Variants in CALCR observed in about 807,000 individuals in gnomAD.
CALCR encodes the protein calcitonin receptor.
CALCR carries 47 observed loss-of-function variants against 59.5 expected under a neutral mutation model. That is an observed-to-expected ratio of 0.79 (90% CI 0.63 to 1.01). The LOEUF (loss-of-function observed/expected upper bound fraction) is 1.01, where lower values mean the gene tolerates loss of function less well. CALCR is among the 50% of genes least tolerant of loss of function. The pLI is 0.00. For synonymous variants in CALCR, 213 were observed against 211.3 expected, an observed-to-expected ratio of 1.01 and a Z score of -0.07; for missense variants, 566 against 597.1, an observed-to-expected ratio of 0.95 and a Z score of 0.54.
intron 8 of CALCR, among the ~76,000 whole-genome samples, chr7:93,458,003 G>A (rs370268626): frequency 2.6e-5 from 4 of 151,940 alleles, no homozygotes; most frequent in African/African-American, 9.7e-5. Context: ...TTAAAAATGG[G>A]GATAATTCCA....
intron 13 of CALCR, among the ~76,000 whole-genome samples, chr7:93,428,786 CAAAAAAA>C (rs562182322): frequency 1.2e-5 from 1 of 83,954 alleles, no homozygotes; most frequent in South Asian, 3.3e-4. Flanking sequence ...GACTCCGTCT[CAAAAAAA>C]AAAAAAAAAA....
intron 4 of CALCR, among the ~76,000 whole-genome samples, chr7:93,478,212 G>C (rs1231203915): frequency 8.1e-6 from 1 of 124,032 alleles, no homozygotes; most frequent in Non-Finnish European, 1.9e-5. Context: ...TTCAGTTCTT[G>C]ATAAACACTG....
At chr7:93,464,642 T>C (rs1198733092) in intron 7 of CALCR, among the ~76,000 whole-genome samples, 1 of 151,956 alleles carries the variant, frequency 6.6e-6, no homozygotes, top group African/African-American at 2.4e-5. Flanking sequence ...ATTAATAAAT[T>C]CTCTTTCAAT....
chr7:93,474,319 A>G (rs1434404293), intron 5 of CALCR, among the ~76,000 whole-genome samples: 1 of 151,644 alleles, frequency 6.6e-6, no homozygotes, highest in Non-Finnish European at 1.5e-5. Context: ...AACAACTAAA[A>G]TGGCACTGAA....
intron 2 of CALCR, among the ~76,000 whole-genome samples, chr7:93,520,169 A>G (rs1311837151): frequency 1.3e-5 from 2 of 152,050 alleles, no homozygotes; most frequent in Admixed American, 6.6e-5. Context: ...TATGAAAAAA[A>G]GATGGAAAAT....
At chr7:93,558,443 T>C (rs770825878) in intron 2 of CALCR, among the ~76,000 whole-genome samples, 26 of 152,098 alleles carry the variant, frequency 1.7e-4, no homozygotes, top group Non-Finnish European at 2.9e-4. Context: ...TCCTGGAACT[T>C]TCACCTTTAG....
chr7:93,459,748 G>C (rs771079960), intron 8 of CALCR, among the ~76,000 whole-genome samples: 1 of 152,150 alleles, frequency 6.6e-6, no homozygotes, highest in Non-Finnish European at 1.5e-5. Flanking sequence ...TGAGTATAAA[G>C]AGAGAAGACT....
At chr7:93,502,584 A>G (rs1009052266) in intron 2 of CALCR, among the ~76,000 whole-genome samples, 1 of 152,114 alleles carries the variant, frequency 6.6e-6, no homozygotes, top group Non-Finnish European at 1.5e-5. Flanking sequence ...AATTCTTAAA[A>G]CATCCAGACC....
intron 2 of CALCR, among the ~76,000 whole-genome samples, chr7:93,492,807 G>A (rs1251209839): frequency 6.6e-6 from 1 of 151,260 alleles, no homozygotes; most frequent in East Asian, 2.0e-4. Flanking sequence ...GATCAGGGAG[G>A]GAATTATATT....
rs1242179773 is a variant in CALCR at position 93,527,073 on chromosome 7, T to C, written c.-26-40066A>G. Among the ~76,000 whole-genome samples, 5 of 152,110 alleles carry C rather than the reference T, an allele frequency of 3.3e-5. No individual in the cohort carries two copies. In the East Asian group the frequency reaches 9.6e-4, roughly 29 times the overall value. ...TGGATTTGTATTATGAAATGTATTT[T>C]TCTTTATAAGGTATGTTTATATATG... On this transcript the variant is annotated intron_variant, in intron 2 of 13. Transcript: ENST00000426151.
At chr7:93,560,779 G>C (rs183326439) in intron 2 of CALCR, among the ~76,000 whole-genome samples, 1 of 152,134 alleles carries the variant, frequency 6.6e-6, no homozygotes, top group African/African-American at 2.4e-5. Context: ...ATAAAGTTTG[G>C]GATGCATATA....
chr7:93,482,878 A>T (rs774805566), intron 3 of CALCR: 2 of 532,600 alleles, frequency 3.8e-6, no homozygotes, highest in Non-Finnish European at 7.7e-6. Context: ...CTGTTGTCAG[A>T]TGAGCAGTAA....
chr7:93,484,805 A>G (rs907611554), intron 3 of CALCR, among the ~76,000 whole-genome samples: 2 of 151,746 alleles, frequency 1.3e-5, no homozygotes, highest in African/African-American at 4.8e-5. Context: ...CTTTGTTGTC[A>G]TCAGCATCGT....
Position 93,468,734 on chromosome 7 carries a change from C to T in CALCR, c.502G>A (p.Gly168Arg), listed in dbSNP as rs781160581. 1.5e-5 allele frequency: 24 copies of T among 1,609,676 alleles called. No homozygotes were observed. The highest frequency in any genetic ancestry group is 8.5e-7 in the Non-Finnish European group (1 of 1,177,336). Residue 168 changes from glycine to arginine, a missense_variant, in exon 7 of 14, where the codon GGG (glycine) becomes AGG (arginine). Physicochemically the swap from Gly to Arg is moderately radical, Grantham distance 125. Coordinates refer to ENST00000426151, the MANE Select transcript of CALCR (RefSeq NM_001742.4). ...LSIFTLVISL[G>R]IFVFFRSLGC... ...ACTTACCTGAAAAACACGAAAATCC[C>T]CAGGGAAATCACTAGGGTGAAAATT...
intron 4 of CALCR, among the ~76,000 whole-genome samples, chr7:93,478,484 T>G (rs1179811534): frequency 1.3e-5 from 2 of 151,390 alleles, no homozygotes; most frequent in East Asian, 3.9e-4. Flanking sequence ...AGCCCAGGAG[T>G]TGGAGACCAG....
intron 2 of CALCR, among the ~76,000 whole-genome samples, chr7:93,542,148 C>T (rs758275808): frequency 7.9e-5 from 12 of 152,054 alleles, no homozygotes; most frequent in African/African-American, 2.4e-4. Flanking sequence ...TTCTGAGAAA[C>T]GCATCCTTGG....
chr7:93,435,109 C>T (rs913610432), intron 12 of CALCR, among the ~76,000 whole-genome samples: 1 of 152,116 alleles, frequency 6.6e-6, no homozygotes, highest in African/African-American at 2.4e-5. Context: ...CAGCCATTCT[C>T]CTATCCAGTG....
chr7:93,546,043 A>G (rs1789276777), intron 2 of CALCR, among the ~76,000 whole-genome samples: 1 of 152,178 alleles, frequency 6.6e-6, no homozygotes, highest in Non-Finnish European at 1.5e-5. Context: ...AAATGCTAAT[A>G]TGAAAGAGAA....
At chr7:93,511,990 T>C (rs1801556613) in intron 2 of CALCR, among the ~76,000 whole-genome samples, 1 of 152,166 alleles carries the variant, frequency 6.6e-6, no homozygotes, top group South Asian at 2.1e-4. Context: ...AATCCAGCCA[T>C]AAATCCGCCC....
Sources: allele counts gnomAD v4.1 joint callset (sites outside exome capture counted in the v4.1 genomes callset), GRCh38; gene constraint gnomAD v4.1.1; transcripts MANE v1.5; gene names NCBI Gene and HGNC (gene_info 2026-07-23, HGNC 2026-07-21).